Variants in RANBP17 observed in about 807,000 individuals in gnomAD.
RANBP17 encodes the protein ran-binding protein 17.
Under a neutral mutation model 141.2 loss-of-function variants are expected in RANBP17, and 158 were observed. That is an observed-to-expected ratio of 1.12 (90% confidence interval 0.98 to 1.28). The LOEUF (loss-of-function observed/expected upper bound fraction) is 1.28. Among genes scored for constraint, RANBP17 ranks in the 50% most tolerant of loss-of-function variants. The pLI is 0.00. For missense variants in RANBP17, 1,438 were observed against 1,290.7 expected (o/e 1.11, Z -1.75); for synonymous variants, 430 against 450.0 (o/e 0.96, Z 0.56).
chr5:170,972,609 T>C (rs1211774243), intron 14 of RANBP17, among the ~76,000 whole-genome samples: 2 of 152,194 alleles, frequency 1.3e-5, no homozygotes, highest in African/African-American at 4.8e-5. Flanking sequence ...ATTTTATTAT[T>C]GATATGTTAG....
chr5:171,103,789 T>G (rs1320419400), intron 14 of RANBP17, among the ~76,000 whole-genome samples: 2 of 152,168 alleles, frequency 1.3e-5, no homozygotes. Context: ...AATCGTAGTA[T>G]CTGGGCTGGA....
At chr5:171,218,060 G>A (rs899909033) in intron 21 of RANBP17, among the ~76,000 whole-genome samples, 11 of 152,076 alleles carry the variant, frequency 7.2e-5, no homozygotes, top group Non-Finnish European at 1.5e-4. Flanking sequence ...CACTGCTTTA[G>A]CTGTGTCCCA....
At chr5:171,255,712 T>A (rs543050586) in intron 24 of RANBP17, among the ~76,000 whole-genome samples, 7 of 152,242 alleles carry the variant, frequency 4.6e-5, no homozygotes, top group South Asian at 4.1e-4. Context: ...GTATAGTAAG[T>A]AAGAAGTGAC....
intron 14 of RANBP17, among the ~76,000 whole-genome samples, chr5:171,147,803 C>T (rs1201786030): frequency 6.6e-6 from 1 of 152,092 alleles, no homozygotes; most frequent in East Asian, 1.9e-4. Flanking sequence ...CCGCCCCGTC[C>T]GGGACGTGAG....
intron 26 of RANBP17, 62 bp downstream of exon 26, chr5:171,294,043 T>C (rs1768671299): frequency 1.7e-6 from 2 of 1,207,110 alleles, no homozygotes; most frequent in Non-Finnish European, 1.2e-6. Flanking sequence ...AGCTATAAGC[T>C]AGGGTGAGCT....
chr5:171,252,496 T>TA (rs2128005577), intron 24 of RANBP17: 1 of 1,443,888 alleles, frequency 6.9e-7, no homozygotes, highest in African/African-American at 1.4e-5. Flanking sequence ...ATGCAGTGAG[T>TA]ACAAGTATTA....
chr5:170,957,684 G>A (rs1016993343), intron 13 of RANBP17, among the ~76,000 whole-genome samples: 6 of 151,986 alleles, frequency 3.9e-5, no homozygotes, highest in South Asian at 2.1e-4. Context: ...GTTTAAAATC[G>A]CCCAGCTGTA....
At chr5:171,251,553 A>G (rs2128004322) in intron 24 of RANBP17, among the ~76,000 whole-genome samples, 1 of 152,284 alleles carries the variant, frequency 6.6e-6, no homozygotes, top group African/African-American at 2.4e-5. Context: ...AAAAAAAAAA[A>G]AAAACTTCTT....
chr5:170,928,826 A>T (rs552445424), intron 12 of RANBP17, among the ~76,000 whole-genome samples: 1 of 151,328 alleles, frequency 6.6e-6, no homozygotes, highest in African/African-American at 2.4e-5. Flanking sequence ...TTACTAATTA[A>T]TTTTAGCATC....
At chr5:171,023,387 A>C (rs1254840714) in intron 14 of RANBP17, among the ~76,000 whole-genome samples, 2 of 152,204 alleles carry the variant, frequency 1.3e-5, no homozygotes, top group Non-Finnish European at 2.9e-5. Context: ...ATTATTTTTT[A>C]ATTGCCTATT....
chr5:171,014,113 T>C (rs1242314858), intron 14 of RANBP17, among the ~76,000 whole-genome samples: 2 of 152,106 alleles, frequency 1.3e-5, no homozygotes. Context: ...TGCTCCAAAA[T>C]CTACTTTGTT....
intron 12 of RANBP17, among the ~76,000 whole-genome samples, chr5:170,948,455 G>A (rs1774938122): frequency 6.6e-6 from 1 of 151,708 alleles, no homozygotes. Flanking sequence ...AAGAAAGGAA[G>A]TCCATTTATA....
intron 14 of RANBP17, among the ~76,000 whole-genome samples, chr5:171,056,137 C>CA (rs1343056548): frequency 1.3e-5 from 2 of 151,998 alleles, no homozygotes; most frequent in South Asian, 2.1e-4. Flanking sequence ...AGCAAAAAGC[C>CA]AAAAAAGATT....
At chr5:170,930,385 A>C (rs1234021521) in intron 12 of RANBP17, among the ~76,000 whole-genome samples, 1 of 150,436 alleles carries the variant, frequency 6.6e-6, no homozygotes, top group Non-Finnish European at 1.5e-5. Flanking sequence ...CTTTTTTCTA[A>C]TCTTTTTATT....
chr5:171,235,013 T>A (rs1764449298), intron 22 of RANBP17, among the ~76,000 whole-genome samples: 1 of 152,066 alleles, frequency 6.6e-6, no homozygotes, highest in Non-Finnish European at 1.5e-5. Flanking sequence ...TGCACTCCAA[T>A]GTTGGAAGGT....
chr5:170,878,387 G>T lies in RANBP17; in HGVS notation c.165+144G>T, dbSNP rs145821967. ...GTGAAACTATAGTTTCACTGTCAAA[G>T]GGGTTAATCAGGAAAAGAATTGGAA... On this transcript the variant is annotated intron_variant, in intron 2 of 27. Coordinates refer to ENST00000523189, the MANE Select transcript of RANBP17 (RefSeq NM_022897.5). 2.2e-4 allele frequency: 137 copies of T among 632,262 alleles called. No homozygotes were observed. In the East Asian group the frequency reaches 3.7e-3, roughly 17 times the overall value. The allele number at this position is 632,262 out of a possible 1,614,324, so 39.2% of individuals were successfully genotyped here. A position where few individuals can be genotyped will look rare whatever the true frequency, so the allele number is the denominator to read the frequency against.
intron 14 of RANBP17, among the ~76,000 whole-genome samples, chr5:171,145,005 C>G (rs1474563091): frequency 6.6e-6 from 1 of 152,144 alleles, no homozygotes; most frequent in Non-Finnish European, 1.5e-5. Flanking sequence ...TATTTTGTGA[C>G]TAAATACAGT....
Position 171,298,935 on chromosome 5 carries a change from T to A in RANBP17, c.*77T>A, listed in dbSNP as rs1160391342. On this transcript the variant is annotated 3_prime_UTR_variant, in exon 28 of 28. Transcript: ENST00000523189. Reference sequence around the variant, plus strand: ...GGTCTGGGTCTCAGGACAGTGATGTTGGCTAGCCCAGGGGAATGTATTTTT... The same window carrying A: ...GGTCTGGGTCTCAGGACAGTGATGTAGGCTAGCCCAGGGGAATGTATTTTT... 3 of 1,114,920 alleles carry A rather than the reference T, an allele frequency of 2.7e-6. No individual in the cohort carries two copies. Among genetic ancestry groups the A allele is most frequent in the Non-Finnish European group, 4.1e-6 (3 of 737,384 alleles). The allele number at this position is 1,114,920 out of a possible 1,614,324, so 69.1% of individuals were successfully genotyped here.
In RANBP17 at chr5:171,215,487, C is replaced by T. The variant is rs189141125; in HGVS notation, c.2339+1749C>T. Among the ~76,000 whole-genome samples, 500 of 152,298 alleles carry T rather than the reference C, an allele frequency of 3.3e-3. 4 individuals carry two copies. The highest frequency in any genetic ancestry group is 0.011 in the African/African-American group (474 of 41,568). ...CCTTGAGGAATCACCACACTGTCTT[C>T]CACAATGGTTGAACTAGTTTACACT... On this transcript the variant is annotated intron_variant, in intron 21 of 27. Transcript: ENST00000523189.
Sources: allele counts gnomAD v4.1 joint callset (sites outside exome capture counted in the v4.1 genomes callset), GRCh38; gene constraint gnomAD v4.1.1; transcripts MANE v1.5; gene names NCBI Gene and HGNC (gene_info 2026-07-23, HGNC 2026-07-21).